Variants in ZNF487 observed in about 807,000 individuals in gnomAD.
The protein encoded by ZNF487 is zinc finger protein 487, also known as KRAB domain only 1.
ZNF487 carries 4 observed loss-of-function variants against 3.0 expected under a neutral mutation model. The ratio of observed to expected loss-of-function variants is 1.35; its 90% CI spans 0.66 to 3.08. ZNF487 has a LOEUF of 3.08. Ranked by LOEUF, ZNF487 falls within the 30% of genes most tolerant of loss-of-function variation. The pLI is 0.01. For synonymous variants in ZNF487, 55 were observed against 34.6 expected, an observed-to-expected ratio of 1.59 and a Z score of -2.06; for missense variants, 146 against 98.7, an observed-to-expected ratio of 1.48 and a Z score of -2.03.
At chr10:43,473,684 A>G (rs1280012852) in intron 1 of ZNF487, among the ~76,000 whole-genome samples, 1 of 151,040 alleles carries the variant, frequency 6.6e-6, no homozygotes, top group African/African-American at 2.4e-5. Flanking sequence ...TTTTCCCCAG[A>G]CCCAAACATC....
rs188239105 is a variant in ZNF487 at position 43,459,423 on chromosome 10, T to C, written c.-93-16298T>C. Among the ~76,000 whole-genome samples, 56 of 152,172 alleles carry C rather than the reference T, an allele frequency of 3.7e-4. No homozygotes were observed. The East Asian group carries it at 0.011, about 29-fold the overall frequency. On this transcript the variant is annotated intron_variant, in intron 1 of 3. Transcript: ENST00000437590. ...TTTTGTACTTTTAGTAGAGACAGGG[T>C]TTTGCCATGTTGGCCAGGCTGGTCT...
chr10:43,442,773 T>G (rs1839664102), intron 1 of ZNF487, among the ~76,000 whole-genome samples: 1 of 152,176 alleles, frequency 6.6e-6, no homozygotes, highest in Non-Finnish European at 1.5e-5. Flanking sequence ...TTTTGTAGTA[T>G]TCAGGGTACA....
chr10:43,502,793 G>A, the ZNF487 span, among the ~76,000 whole-genome samples: 1 of 152,074 alleles, frequency 6.6e-6, no homozygotes. Context: ...CACTTTGCGG[G>A]GCCAAGCCGG....
intron 1 of ZNF487, among the ~76,000 whole-genome samples, chr10:43,464,988 T>A (rs1169227923): frequency 6.9e-6 from 1 of 144,754 alleles, no homozygotes; most frequent in Non-Finnish European, 1.5e-5. Flanking sequence ...GGCGGCTGGC[T>A]GGGCGGGGGC....
the ZNF487 span, among the ~76,000 whole-genome samples, chr10:43,504,261 A>C: frequency 6.9e-6 from 1 of 144,914 alleles, no homozygotes; most frequent in East Asian, 2.0e-4. Context: ...TTACTGGCTT[A>C]TGTGTTAGAT....
chr10:43,492,482 C>T, the ZNF487 span, among the ~76,000 whole-genome samples: 5 of 151,286 alleles, frequency 3.3e-5, no homozygotes, highest in Non-Finnish European at 4.4e-5. Context: ...GATGGAGTCT[C>T]GCTCTATCGC....
chr10:43,454,789 C>T (rs1297729777), intron 1 of ZNF487: 1 of 152,028 alleles, frequency 6.6e-6, no homozygotes, highest in African/African-American at 2.4e-5. Context: ...TCTCTCTACA[C>T]CTATTCCAAT....
intron 3 of ZNF487, among the ~76,000 whole-genome samples, chr10:43,476,407 GT>G (rs965734552): frequency 1.3e-5 from 2 of 152,066 alleles, no homozygotes; most frequent in African/African-American, 4.8e-5. Flanking sequence ...AATGGTCTTT[GT>G]TTTTTTCCAA....
the ZNF487 span, among the ~76,000 whole-genome samples, chr10:43,494,693 G>C: frequency 7.7e-5 from 11 of 143,334 alleles, no homozygotes; most frequent in African/African-American, 2.9e-4. Flanking sequence ...ACACCTGTAA[G>C]CCCAGCACTT....
At chr10:43,462,544 C>T (rs1840470361) in intron 1 of ZNF487, among the ~76,000 whole-genome samples, 1 of 150,716 alleles carries the variant, frequency 6.6e-6, no homozygotes, top group South Asian at 2.1e-4. Flanking sequence ...CAACCTTGGC[C>T]TCCTGGGTTC....
the ZNF487 span, among the ~76,000 whole-genome samples, chr10:43,504,749 C>T: frequency 6.6e-6 from 1 of 150,984 alleles, no homozygotes; most frequent in Non-Finnish European, 1.5e-5. Context: ...CAGTGTTGCC[C>T]AGGCTGGAGT....
the ZNF487 span, among the ~76,000 whole-genome samples, chr10:43,512,281 GT>G: frequency 6.6e-6 from 1 of 152,210 alleles, no homozygotes; most frequent in African/African-American, 2.4e-5. Flanking sequence ...GGTGGCAGGA[GT>G]GGAGACCATG....
the ZNF487 span, among the ~76,000 whole-genome samples, chr10:43,500,538 G>C: frequency 6.6e-6 from 1 of 152,086 alleles, no homozygotes; most frequent in Admixed American, 6.5e-5. Context: ...ATCTTGCTCA[G>C]TCACCGAGGC....
chr10:43,487,929 C>CAA (rs76705594), downstream of ZNF487, among the ~76,000 whole-genome samples: 706 of 40,426 alleles, frequency 0.017, 16 homozygotes, highest in Middle Eastern at 0.022. Flanking sequence ...TACCAAAATA[C>CAA]AAAAAAAAAA....
At chr10:43,446,325 G>A (rs1037059249) in intron 1 of ZNF487, among the ~76,000 whole-genome samples, 1 of 150,924 alleles carries the variant, frequency 6.6e-6, no homozygotes, top group African/African-American at 2.4e-5. Context: ...CTCCCAGACG[G>A]GGTGGCCGGG....
chr10:43,484,651 A>G (rs528741400), downstream of ZNF487, among the ~76,000 whole-genome samples: 1 of 152,304 alleles, frequency 6.6e-6, no homozygotes, highest in South Asian at 2.1e-4. Context: ...CATAGCTGAA[A>G]CAAGTCTTAT....
chr10:43,475,077 G>T (rs1588740531), intron 1 of ZNF487, among the ~76,000 whole-genome samples: 1 of 152,092 alleles, frequency 6.6e-6, no homozygotes, highest in East Asian at 1.9e-4. Flanking sequence ...TTGCAGGCAT[G>T]TGCAGACAAG....
the ZNF487 span, among the ~76,000 whole-genome samples, chr10:43,515,478 A>T: frequency 1.3e-5 from 2 of 152,202 alleles, no homozygotes; most frequent in African/African-American, 4.8e-5. Flanking sequence ...GGCAAAAAAG[A>T]TTCATCAGAG....
chr10:43,480,732 T>C (rs1841322095), intron 3 of ZNF487, among the ~76,000 whole-genome samples: 1 of 150,842 alleles, frequency 6.6e-6, no homozygotes, highest in South Asian at 2.1e-4. Flanking sequence ...CTCTCTCTTT[T>C]TTTTTTTTAA....
Sources: allele counts gnomAD v4.1 joint callset (sites outside exome capture counted in the v4.1 genomes callset), GRCh38; gene constraint gnomAD v4.1.1; transcripts MANE v1.5; gene names NCBI Gene and HGNC (gene_info 2026-07-23, HGNC 2026-07-21).